DPYD: variants seen among roughly 807,000 people sequenced by gnomAD.
DPYD encodes dihydropyrimidine dehydrogenase.
DPYD carries 109 observed loss-of-function variants against 116.2 expected under a neutral mutation model. The ratio of observed to expected loss-of-function variants is 0.94; its 90% CI spans 0.80 to 1.10. The LOEUF is 1.10. DPYD is among the 50% of genes least tolerant of loss of function. DPYD has a pLI of 0.00. For missense variants in DPYD, 1,302 were observed against 1,254.5 expected (o/e 1.04, Z -0.57); for synonymous variants, 440 against 432.0 (o/e 1.02, Z -0.23).
At chr1:97,810,598 C>G (rs1668306616) in intron 3 of DPYD, among the ~76,000 whole-genome samples, 2 of 152,076 alleles carry the variant, frequency 1.3e-5, no homozygotes, top group Non-Finnish European at 2.9e-5. Context: ...TCCTAAACAT[C>G]TCTCCAATCC....
chr1:97,671,055 TAATTTGTGTTTTATAA>T (rs1338438361), intron 8 of DPYD, among the ~76,000 whole-genome samples: 1 of 152,048 alleles, frequency 6.6e-6, no homozygotes, highest in East Asian at 1.9e-4. Context: ...TTTTAAAATA[TAATTTGTGTTTTATAA>T]AAGGTTTTTT....
intron 10 of DPYD, among the ~76,000 whole-genome samples, chr1:97,576,198 T>C (rs1004213437): frequency 3.9e-5 from 6 of 152,208 alleles, no homozygotes; most frequent in Non-Finnish European, 8.8e-5. Context: ...AACTCATCAA[T>C]ATAAACCAGT....
intron 19 of DPYD, among the ~76,000 whole-genome samples, chr1:97,207,829 C>T (rs1449150292): frequency 6.6e-6 from 1 of 152,080 alleles, no homozygotes; most frequent in Non-Finnish European, 1.5e-5. Context: ...GAGGTCAGTC[C>T]AGCATTCTTG....
intron 14 of DPYD, among the ~76,000 whole-genome samples, chr1:97,447,600 T>C (rs932708560): frequency 6.6e-6 from 1 of 152,196 alleles, no homozygotes; most frequent in Non-Finnish European, 1.5e-5. Context: ...TATGCATTTT[T>C]TTCTCAAGAA....
At chr1:97,770,240 T>C (rs1441293660) in intron 3 of DPYD, among the ~76,000 whole-genome samples, 1 of 151,902 alleles carries the variant, frequency 6.6e-6, no homozygotes, top group African/African-American at 2.4e-5. Context: ...TTCATAAAAG[T>C]CTTATTTAAT....
intron 14 of DPYD, among the ~76,000 whole-genome samples, chr1:97,402,377 T>G (rs1246923750): frequency 1.3e-5 from 2 of 152,148 alleles, no homozygotes; most frequent in Non-Finnish European, 2.9e-5. Context: ...TTTGTTTTGA[T>G]TCTAATGTAA....
At chr1:97,450,304 C>T in intron 13 of DPYD, 81 bp from the exon 14 acceptor site, 1 of 1,491,694 alleles carries the variant, frequency 6.7e-7, no homozygotes, top group Non-Finnish European at 9.1e-7. Flanking sequence ...TTCCATATGA[C>T]AATATTTTAT....
At chr1:97,302,019 G>A (rs1269593674) in intron 18 of DPYD, among the ~76,000 whole-genome samples, 2 of 151,878 alleles carry the variant, frequency 1.3e-5, no homozygotes, top group Admixed American at 1.3e-4. Flanking sequence ...CTGAGATTAG[G>A]GTTTTTTTCC....
intron 14 of DPYD, among the ~76,000 whole-genome samples, chr1:97,448,300 T>C (rs1308694668): frequency 6.6e-6 from 1 of 152,154 alleles, no homozygotes; most frequent in Non-Finnish European, 1.5e-5. Context: ...TAAAAGCAAA[T>C]TTCAAGTTCA....
chr1:97,109,149 A>G (rs1027729985), intron 20 of DPYD, among the ~76,000 whole-genome samples: 6 of 152,280 alleles, frequency 3.9e-5, no homozygotes, highest in African/African-American at 1.4e-4. Context: ...GCATTAATAG[A>G]TGATTAAAAT....
intron 2 of DPYD, among the ~76,000 whole-genome samples, chr1:97,828,426 G>A (rs1293531014): frequency 1.3e-5 from 2 of 152,092 alleles, no homozygotes; most frequent in Admixed American, 1.3e-4. Flanking sequence ...ATTTTTCAAA[G>A]TGGAGTTTCG....
At chr1:97,592,525 C>G (rs939574798) in intron 10 of DPYD, among the ~76,000 whole-genome samples, 3 of 152,112 alleles carry the variant, frequency 2.0e-5, no homozygotes, top group Admixed American at 1.3e-4. Flanking sequence ...CACCACCACG[C>G]CCGGCTAATT....
At chr1:97,746,582 C>T (rs59593128) in intron 3 of DPYD, among the ~76,000 whole-genome samples, 4,830 of 152,094 alleles carry the variant, frequency 0.032, 110 homozygotes, top group African/African-American at 0.067. Context: ...TGGAAGATAT[C>T]TGGATAAAGA....
At chr1:97,741,288 T>A (rs1156903548) in intron 3 of DPYD, among the ~76,000 whole-genome samples, 1 of 152,206 alleles carries the variant, frequency 6.6e-6, no homozygotes, top group Non-Finnish European at 1.5e-5. Context: ...CTTCTACAGA[T>A]GTTAACCTGC....
intron 16 of DPYD, among the ~76,000 whole-genome samples, chr1:97,359,373 G>T (rs1373759547): frequency 6.6e-6 from 1 of 152,128 alleles, no homozygotes; most frequent in Non-Finnish European, 1.5e-5. Context: ...GAACCAAGTT[G>T]GAAAACACTC....
chr1:97,868,992 C>T (rs757558451), intron 2 of DPYD, among the ~76,000 whole-genome samples: 2 of 151,872 alleles, frequency 1.3e-5, no homozygotes, highest in South Asian at 2.1e-4. Flanking sequence ...GAGAAACCTG[C>T]GCAGCTTCTT....
chr1:97,661,547 G>C (rs2100868433), intron 8 of DPYD, among the ~76,000 whole-genome samples: 1 of 152,144 alleles, frequency 6.6e-6, no homozygotes, highest in African/African-American at 2.4e-5. Context: ...TTTTAAATGT[G>C]TTAAGACATA....
At chr1:97,890,776 T>C (rs1417631077) in intron 1 of DPYD, among the ~76,000 whole-genome samples, 1 of 151,996 alleles carries the variant, frequency 6.6e-6, no homozygotes, top group East Asian at 1.9e-4. Context: ...GCTGCATTTA[T>C]TTTAGTTTTT....
chr1:97,080,622 C>G (rs879625265), intron 22 of DPYD, among the ~76,000 whole-genome samples: 9 of 152,046 alleles, frequency 5.9e-5, no homozygotes, highest in Admixed American at 5.9e-4. Flanking sequence ...TTTTAAGGTG[C>G]TGTTTGGATG....
Sources: allele counts gnomAD v4.1 joint callset (sites outside exome capture counted in the v4.1 genomes callset), GRCh38; gene constraint gnomAD v4.1.1; transcripts MANE v1.5; gene names NCBI Gene and HGNC (gene_info 2026-07-23, HGNC 2026-07-21).